RABL6: variants seen among roughly 807,000 people sequenced by gnomAD.
RABL6 encodes the protein rab-like protein 6.
Under a neutral mutation model 72.9 loss-of-function variants are expected in RABL6, and 28 were observed. That is an observed-to-expected ratio of 0.38 (90% confidence interval 0.28 to 0.53). The LOEUF is 0.53. RABL6 is among the 20% of genes least tolerant of loss of function. The pLI is 0.80. For synonymous variants in RABL6, 477 were observed against 421.2 expected, an observed-to-expected ratio of 1.13 and a Z score of -1.62; for missense variants, 1,029 against 1,008.4, an observed-to-expected ratio of 1.02 and a Z score of -0.28.
In RABL6 at chr9:136,834,090, T is replaced by G. The variant is rs1040912165; in HGVS notation, c.706-1652T>G. ...TGCTATGGATGTGTTCAAGCAGATCTGATGTCCTCGCCTGTCTCAGCAGCG... is the reference window on the plus strand; with the variant it reads ...TGCTATGGATGTGTTCAAGCAGATCGGATGTCCTCGCCTGTCTCAGCAGCG... On this transcript the variant is annotated intron_variant, in intron 7 of 14. Transcript: ENST00000311502. 2.2e-6 allele frequency: 3 copies of G among 1,360,656 alleles called. No individual in the cohort carries two copies. The South Asian group carries it at 6.5e-5, about 29-fold the overall frequency. 84.3% of individuals were successfully genotyped at this position (1,360,656 alleles called of 1,614,324 possible). A position where few individuals can be genotyped will look rare whatever the true frequency, so the allele number is the denominator to read the frequency against.
At chr9:136,816,144 G>A (rs537202136) in intron 1 of RABL6, among the ~76,000 whole-genome samples, 4 of 152,174 alleles carry the variant, frequency 2.6e-5, no homozygotes, top group East Asian at 3.9e-4. Flanking sequence ...TTGCTCTTTC[G>A]CCTGAACTGG....
At chr9:136,811,253 T>G (rs903909087) in intron 1 of RABL6, among the ~76,000 whole-genome samples, 1 of 152,122 alleles carries the variant, frequency 6.6e-6, no homozygotes, top group Non-Finnish European at 1.5e-5. Flanking sequence ...ATTTAAGATA[T>G]ATGTTGATTT....
At chr9:136,831,614 A>G in intron 5 of RABL6, 107 bp from the exon 6 acceptor site, 2 of 1,497,040 alleles carry the variant, frequency 1.3e-6, no homozygotes, top group Non-Finnish European at 1.8e-6. Flanking sequence ...GGATGTTGGA[A>G]ATGAGAAGCA....
rs145330836 is a variant in RABL6 at position 136,831,962 on chromosome 9, G to A, written c.599+101G>A. 7.2e-5 allele frequency: 103 copies of A among 1,439,810 alleles called. No individual in the cohort carries two copies. In the East Asian group the frequency reaches 2.5e-3, roughly 34 times the overall value. 89.2% of individuals were successfully genotyped at this position (1,439,810 alleles called of 1,614,324 possible). ...CCCAGGGAGGGGTTAACGTTAGCAT[G>A]GGGCCCGGCGGATGTGGGTCTCGCC... On this transcript the variant is annotated intron_variant, in intron 6 of 14. Coordinates refer to ENST00000311502, the MANE Select transcript of RABL6 (RefSeq NM_024718.5).
chr9:136,813,116 C>T (rs1309831838), intron 1 of RABL6: 1 of 420,430 alleles, frequency 2.4e-6, no homozygotes, highest in Non-Finnish European at 4.4e-6. Flanking sequence ...ACTAAAGCCT[C>T]TTCAGTGGTG....
At position 136,807,979 on chromosome 9, in the gene RABL6, G is replaced by A; in HGVS notation, c.-218G>A. 1 of 1,005,610 alleles carries A rather than the reference G, an allele frequency of 9.9e-7. No homozygotes were observed. Among genetic ancestry groups the A allele is most frequent in the African/African-American group, 1.7e-5 (1 of 57,404 alleles). 62.3% of individuals were successfully genotyped at this position (1,005,610 alleles called of 1,614,324 possible). On this transcript the variant is annotated 5_prime_UTR_variant, in exon 1 of 15. Coordinates refer to ENST00000311502, the MANE Select transcript of RABL6 (RefSeq NM_024718.5). ...CGGCGCTGACTCCTGGAGAGCGGTC[G>A]CGCCGGAGGCCGCGGGGGCCGGAGC...
At chr9:136,830,462 G>A (rs1042596401) in intron 5 of RABL6, among the ~76,000 whole-genome samples, 13 of 152,236 alleles carry the variant, frequency 8.5e-5, no homozygotes, top group African/African-American at 2.2e-4. Context: ...TGTGGCACAC[G>A]GATGGCAGGA....
chr9:136,827,331 A>C (rs922832240), intron 3 of RABL6: 3 of 152,242 alleles, frequency 2.0e-5, no homozygotes, highest in African/African-American at 7.2e-5. Context: ...CTCAAGGGTG[A>C]GAGGAAGCCG....
intron 1 of RABL6, chr9:136,812,760 G>A (rs1848039445): frequency 6.1e-6 from 2 of 326,748 alleles, no homozygotes; most frequent in Admixed American, 3.2e-5. Flanking sequence ...AAATGGGAGA[G>A]GGAAAGACAA....
chr9:136,816,674 G>A (rs1483986544), intron 1 of RABL6, among the ~76,000 whole-genome samples: 5 of 138,426 alleles, frequency 3.6e-5, no homozygotes, highest in South Asian at 2.6e-4. Context: ...TCGAGATCGC[G>A]CCACTGCACT....
At position 136,838,994 on chromosome 9, in the gene RABL6, C is replaced by T. The variant is rs745681358; in HGVS notation, c.1366C>T (p.Pro456Ser). The change falls in exon 11 of 15, where the codon CCG (proline) becomes TCG (serine). Residue 456 changes from proline (P) to serine (S), a missense_variant. Physicochemically the swap from Pro to Ser is moderately conservative, Grantham distance 74. Transcript: ENST00000311502. ...DLEDQPRGSP[P>S]LPAGPVPSQD... ...CGAAGACCAGCCACGTGGGAGTCCCCCGCTGCCTGCAGGCCCCGTCCCCAG... is the reference window on the plus strand; with the variant it reads ...CGAAGACCAGCCACGTGGGAGTCCCTCGCTGCCTGCAGGCCCCGTCCCCAG... The T allele has an allele frequency of 3.7e-6, 6 of 1,611,902 alleles. No homozygotes were observed. In the Admixed American group the frequency reaches 5.0e-5, roughly 13 times the overall value.
intron 1 of RABL6, chr9:136,808,742 G>A (rs188506849): frequency 0.015 from 2,344 of 153,054 alleles, 20 homozygotes; most frequent in Non-Finnish European, 0.024. Context: ...GGAGGTGCGG[G>A]GAACCCAGCC....
intron 1 of RABL6, chr9:136,821,335 G>A (rs2131172639): frequency 3.0e-6 from 3 of 985,390 alleles, no homozygotes; most frequent in South Asian, 4.7e-5. Context: ...CCCCACTCCC[G>A]GGAAAGACCC....
chr9:136,836,348 G>C (rs1460565039), intron 8 of RABL6: 1 of 153,576 alleles, frequency 6.5e-6, no homozygotes, highest in Non-Finnish European at 1.5e-5. Context: ...TGGGACAGCT[G>C]GCCCGTTCTC....
chr9:136,833,768 T>G, intron 7 of RABL6: 1 of 1,550,486 alleles, frequency 6.4e-7, no homozygotes, highest in Non-Finnish European at 8.7e-7. Context: ...CGTCCTGGTG[T>G]CAGAAGAAGT....
chr9:136,810,189 C>T (rs1411367042), intron 1 of RABL6: 1 of 152,106 alleles, frequency 6.6e-6, no homozygotes, highest in Non-Finnish European at 1.5e-5. Context: ...CAGTATTAGT[C>T]CCTGGGAAAT....
At chr9:136,836,595 G>A (rs1484432870) in intron 8 of RABL6, 1 of 153,386 alleles carries the variant, frequency 6.5e-6, no homozygotes. Flanking sequence ...GCCCCAGAAT[G>A]GAGCCCCCCG....
chr9:136,829,304 GAAGACTATCC>G, intron 4 of RABL6, 79 bp from the exon 5 acceptor site: 2 of 958,816 alleles, frequency 2.1e-6, no homozygotes, highest in Non-Finnish European at 3.3e-6. Context: ...TTTCAGATTA[GAAGACTATCC>G]AGCCTTTTCT....
intron 7 of RABL6, among the ~76,000 whole-genome samples, chr9:136,834,970 CAA>C (rs781136835): frequency 1.4e-4 from 17 of 117,398 alleles, no homozygotes; most frequent in Non-Finnish European, 1.8e-4. Context: ...AAAGATGATT[CAA>C]AAAAAAAAAA....
Sources: allele counts gnomAD v4.1 joint callset (sites outside exome capture counted in the v4.1 genomes callset), GRCh38; gene constraint gnomAD v4.1.1; transcripts MANE v1.5; gene names NCBI Gene and HGNC (gene_info 2026-07-23, HGNC 2026-07-21).